The following SRFBP1 variants were observed in gnomAD, a reference collection of about 807,000 sequenced individuals.
SRFBP1 encodes serum response factor-binding protein 1.
Under a neutral mutation model 45.5 loss-of-function variants are expected in SRFBP1, and 47 were observed. The ratio of observed to expected loss-of-function variants is 1.03; its 90% CI spans 0.82 to 1.32. The LOEUF is 1.32. Among genes scored for constraint, SRFBP1 ranks in the 40% most tolerant of loss-of-function variants. SRFBP1 has a pLI of 0.00. For missense variants in SRFBP1, 621 were observed against 484.6 expected, an observed-to-expected ratio of 1.28 and a Z score of -2.64; for synonymous variants, 203 against 166.3, an observed-to-expected ratio of 1.22 and a Z score of -1.70.
intron 3 of SRFBP1, among the ~76,000 whole-genome samples, chr5:121,988,870 A>AT (rs1329572472): frequency 2.0e-5 from 3 of 152,202 alleles, no homozygotes; most frequent in Admixed American, 1.3e-4. Flanking sequence ...GTATCTAGGT[A>AT]TTTTTTTCTC....
intron 2 of SRFBP1, chr5:122,073,894 T>A: frequency 1.1e-6 from 1 of 932,066 alleles, no homozygotes; most frequent in Non-Finnish European, 1.7e-6. Flanking sequence ...GAACAGTCTC[T>A]GTATCCTTTT....
chr5:122,070,279 A>C (rs1754412252), intron 2 of SRFBP1: 1 of 716,990 alleles, frequency 1.4e-6, no homozygotes, highest in Non-Finnish European at 2.5e-6. Context: ...TAACTTAAGT[A>C]AGTGGTTAAA....
chr5:122,001,813 G>A (rs1219848757), intron 4 of SRFBP1, among the ~76,000 whole-genome samples: 6 of 151,744 alleles, frequency 4.0e-5, no homozygotes, highest in East Asian at 3.9e-4. Context: ...CACCCGCCTC[G>A]GCCTCCCAAA....
rs183504762 is a variant in SRFBP1 at position 122,048,738 on chromosome 5, T to C, written n.311+26331T>C. Among the ~76,000 whole-genome samples the C allele has an allele frequency of 2.1e-3, 314 of 152,206 alleles. 2 individuals carry two copies. The highest frequency in any genetic ancestry group is 0.01 in the Middle Eastern group (3 of 294). ...CAATTTCAGAGCCTGTTATTGGTCT[T>C]TTCAGAGATTCAACTTCTTCCTTGT... On this transcript the variant is annotated intron_variant and non_coding_transcript_variant, in intron 2 of 2. Coordinates refer to the SRFBP1 transcript ENST00000504881.
chr5:122,076,426 A>G (rs1754635691), downstream of SRFBP1, among the ~76,000 whole-genome samples: 1 of 152,204 alleles, frequency 6.6e-6, no homozygotes, highest in African/African-American at 2.4e-5. Flanking sequence ...GTAATACCAA[A>G]ACAACCAAGT....
intron 4 of SRFBP1, among the ~76,000 whole-genome samples, chr5:122,013,319 A>C (rs927974619): frequency 1.3e-5 from 2 of 152,112 alleles, no homozygotes; most frequent in African/African-American, 4.8e-5. Flanking sequence ...CAACTTTATC[A>C]AAATTTCATT....
intron 4 of SRFBP1, among the ~76,000 whole-genome samples, chr5:122,014,413 A>G (rs1057014233): frequency 6.6e-6 from 1 of 152,132 alleles, no homozygotes; most frequent in Admixed American, 6.5e-5. Flanking sequence ...CAATTTGACA[A>G]CTACAATGTG....
intron 2 of SRFBP1, among the ~76,000 whole-genome samples, chr5:122,068,206 T>C (rs1754352513): frequency 1.4e-5 from 2 of 147,352 alleles, no homozygotes; most frequent in African/African-American, 5.1e-5. Flanking sequence ...AATTCAACTC[T>C]ATATGAGTGA....
intron 3 of SRFBP1, among the ~76,000 whole-genome samples, chr5:121,992,591 G>A (rs959189387): frequency 1.5e-4 from 23 of 152,126 alleles, no homozygotes; most frequent in Middle Eastern, 3.4e-3. Context: ...GCTCATGGAC[G>A]TCTTCCAGGA....
At chr5:122,075,183 A>G (rs1162820219) in intron 2 of SRFBP1, 2 of 447,858 alleles carry the variant, frequency 4.5e-6, no homozygotes, top group South Asian at 4.3e-5. Flanking sequence ...GCTGTATCCT[A>G]TCAACAGCTT....
chr5:122,019,119 ATATCT>A lies in SRFBP1; in HGVS notation c.271-135_271-131del, dbSNP rs200574974. The A allele has an allele frequency of 2.0e-3, 1,419 of 692,526 alleles. 18 individuals carry two copies. The African/African-American group carries it at 0.023, about 11-fold the overall frequency. The allele number at this position is 692,526 out of a possible 1,614,324, so 42.9% of individuals were successfully genotyped here. A position where few individuals can be genotyped will look rare whatever the true frequency, so the allele number is the denominator to read the frequency against. ...TCTTTAGCATGGATTGATTATACAGATATCTTATCTAAGGAGAATATTAACTAGTT... is the reference window on the plus strand; with the variant it reads ...TCTTTAGCATGGATTGATTATACAGATATCTAAGGAGAATATTAACTAGTT... On this transcript the variant is annotated intron_variant, in intron 4 of 7. Transcript: ENST00000339397.
chr5:122,060,895 G>A (rs1384832421), intron 2 of SRFBP1, among the ~76,000 whole-genome samples: 1 of 152,112 alleles, frequency 6.6e-6, no homozygotes, highest in Non-Finnish European at 1.5e-5. Context: ...ATATATGCCT[G>A]TCGGCAGAAA....
At position 122,047,851 on chromosome 5, in the gene SRFBP1, G is replaced by A. The variant is rs549310298; in HGVS notation, n.311+25444G>A. ...ACTCATGATTTGGCTCTGTTTGTCT[G>A]TTATTGGTGTATAAGAATGCTTGTG... On this transcript the variant is annotated intron_variant and non_coding_transcript_variant, in intron 2 of 2. Transcript: ENST00000504881. 2.6e-4 allele frequency among the ~76,000 whole-genome samples: 40 copies of A among 152,264 alleles called. 1 individual carries two copies. Among genetic ancestry groups the A allele is most frequent in the Admixed American group, 4.6e-4 (7 of 15,286 alleles).
chr5:122,030,827 A>G (rs1187914925), downstream of SRFBP1, among the ~76,000 whole-genome samples: 1 of 152,218 alleles, frequency 6.6e-6, no homozygotes, highest in East Asian at 1.9e-4. Flanking sequence ...TTCAACGACC[A>G]TACACAACCA....
intron 2 of SRFBP1, among the ~76,000 whole-genome samples, chr5:122,056,101 G>GTCCGTTTTCTT (rs1461951705): frequency 2.0e-5 from 3 of 152,104 alleles, no homozygotes; most frequent in Non-Finnish European, 4.4e-5. Context: ...GAACTTTCTT[G>GTCCGTTTTCTT]TCCGTTTTCT....
chr5:122,039,457 C>A (rs1250895083), intron 2 of SRFBP1, among the ~76,000 whole-genome samples: 1 of 152,152 alleles, frequency 6.6e-6, no homozygotes, highest in Non-Finnish European at 1.5e-5. Context: ...TCTATTACTT[C>A]TTTCCTTAGG....
At chr5:122,077,761 G>T (rs2278226), downstream of SRFBP1, 6 of 1,552,786 alleles carry the variant, frequency 3.9e-6, no homozygotes, top group East Asian at 2.4e-5. This position sits in a 1 kb window ranked among gnomAD's most constrained non-coding sequence, Gnocchi z 4.9. Context: ...CACCAGGGAC[G>T]GCGGCGCCCG....
chr5:122,023,893 G>T (rs1753414733), intron 7 of SRFBP1, among the ~76,000 whole-genome samples: 1 of 152,096 alleles, frequency 6.6e-6, no homozygotes, highest in African/African-American at 2.4e-5. Flanking sequence ...TCTCAAACTT[G>T]TCTTATTTGT....
In SRFBP1 at chr5:122,020,345, C is replaced by T; in HGVS notation, c.610C>T (p.Pro204Ser). The T allele has an allele frequency of 6.2e-7, 1 of 1,613,984 alleles. No homozygotes were observed. The highest frequency in any genetic ancestry group is 8.5e-7 in the Non-Finnish European group (1 of 1,179,970). ...TAAAGCAGTGACTATTGCAAATTCT[C>T]CATCAAAGCCTTCAGAAAAGGATTC... ...GPKAVTIANS[P>S]SKPSEKDSVV... The change falls in exon 6 of 8, where the codon CCA (proline) becomes TCA (serine). Residue 204 changes from proline (P) to serine (S), a missense_variant. Physicochemically the swap from Pro to Ser is moderately conservative, Grantham distance 74. Transcript: ENST00000339397.
Sources: gnomAD v4.1 joint callset for allele counts (sites outside exome capture counted in the v4.1 genomes callset) on GRCh38, gnomAD v4.1.1 for gene constraint, Gnocchi (gnomAD v3.1) non-coding constraint, MANE v1.5 for transcripts, NCBI Gene and HGNC (gene_info 2026-07-23, HGNC 2026-07-21) for gene names.